The following PRDM16 variants were observed in gnomAD, a reference collection of about 807,000 sequenced individuals.
The protein encoded by PRDM16 is histone-lysine N-methyltransferase PRDM16.
In PRDM16, 23 loss-of-function variants were observed where a neutral mutation model predicts 110.6. That is an observed-to-expected ratio of 0.21 (90% CI 0.15 to 0.29). PRDM16 has a LOEUF of 0.29. Among genes scored for constraint, PRDM16 ranks in the 10% least tolerant of loss-of-function variants. The probability of loss-of-function intolerance (pLI) is 1.00; values close to 1 mark genes in which losing one functional copy is unlikely to be tolerated. For missense variants in PRDM16, 1,615 were observed against 1,794.3 expected, an observed-to-expected ratio of 0.90 and a Z score of 1.81; for synonymous variants, 799 against 781.8, an observed-to-expected ratio of 1.02 and a Z score of -0.37.
rs141156115 is a variant in PRDM16, at chr1:3,398,911, AG to A, written c.676+2320del. Among the ~76,000 whole-genome samples the A allele has an allele frequency of 8.7e-3, 1,330 of 152,346 alleles. 15 individuals carry two copies. The highest frequency in any genetic ancestry group is 0.031 in the African/African-American group (1,275 of 41,584). On this transcript the variant is annotated intron_variant, in intron 5 of 16. Transcript: ENST00000270722. ...CACGTTCAGGTAGTGAAGAAGACAC[AG>A]GAGACCCTTGGGGGCCAGCCCGCTT...
chr1:3,180,921 TACACACGCAGCC>T lies in PRDM16; in HGVS notation c.38-5191_38-5180del, dbSNP rs549873207. ...ACACACGCAGTCTTACACGCAGCCT[TACACACGCAGCC>T]ACACACGCAGCCTTACACACGCAGT... On this transcript the variant is annotated intron_variant, in intron 1 of 16. Transcript: ENST00000270722. Among the ~76,000 whole-genome samples, 408 of 146,940 alleles carry T rather than the reference TACACACGCAGCC, an allele frequency of 2.8e-3. 4 individuals are homozygous for T. The highest frequency in any genetic ancestry group is 8.3e-3 in the African/African-American group (325 of 39,256).
At chr1:3,311,283 C>T (rs1378756057) in intron 3 of PRDM16, among the ~76,000 whole-genome samples, 5 of 152,228 alleles carry the variant, frequency 3.3e-5, no homozygotes, top group African/African-American at 1.2e-4. Context: ...GGCCTCGGCT[C>T]ACTCTTTTGC....
chr1:3,072,521 C>T (rs1157912469), intron 1 of PRDM16, among the ~76,000 whole-genome samples: 4 of 152,176 alleles, frequency 2.6e-5, no homozygotes, highest in East Asian at 1.9e-4. Context: ...GTGTCTTGCT[C>T]GTGTTTGAGG....
rs922974593 is a variant in PRDM16 at position 3,190,430 on chromosome 1, C to T, written c.387+3956C>T. Among the ~76,000 whole-genome samples the T allele has an allele frequency of 5.9e-5, 9 of 152,278 alleles. No homozygotes were observed. The highest frequency in any genetic ancestry group is 1.7e-4 in the African/African-American group (7 of 41,562). On this transcript the variant is annotated intron_variant, in intron 2 of 16. Transcript: ENST00000270722. The surrounding 1 kb of genome is among the most constrained non-coding windows in gnomAD (Gnocchi z 5.0). ...CTGAGGCTGACGCTTTTGGGAGGGCCGCCCCCTCCTCTCTCCCTCCTGTGT... is the reference window on the plus strand; with the variant it reads ...CTGAGGCTGACGCTTTTGGGAGGGCTGCCCCCTCCTCTCTCCCTCCTGTGT...
chr1:3,231,380 C>T (rs1185265921), intron 2 of PRDM16, among the ~76,000 whole-genome samples: 8 of 152,102 alleles, frequency 5.3e-5, no homozygotes, highest in Non-Finnish European at 7.4e-5. Context: ...TCTTCCCCGT[C>T]GTCATGGACA....
chr1:3,354,459 CAAAAAAAAA>C (rs59791059), intron 3 of PRDM16, among the ~76,000 whole-genome samples: 1 of 113,272 alleles, frequency 8.8e-6, no homozygotes, highest in African/African-American at 3.2e-5. Context: ...GACTCTGCCT[CAAAAAAAAA>C]AAAAAAAAAA....
chr1:3,176,312 A>G (rs1434184843), intron 1 of PRDM16, among the ~76,000 whole-genome samples: 2 of 151,768 alleles, frequency 1.3e-5, no homozygotes, highest in Admixed American at 6.6e-5. Flanking sequence ...CCATACATCC[A>G]TCTATTCTTC....
chr1:3,151,781 A>C (rs951554677), intron 1 of PRDM16, among the ~76,000 whole-genome samples: 1 of 152,194 alleles, frequency 6.6e-6, no homozygotes, highest in Non-Finnish European at 1.5e-5. Flanking sequence ...CGGAGAAGAG[A>C]GCCCAACTGT....
chr1:3,343,500 CA>C (rs1282722966), intron 3 of PRDM16, among the ~76,000 whole-genome samples: 11 of 138,194 alleles, frequency 8.0e-5, no homozygotes, highest in Non-Finnish European at 6.3e-5. Context: ...GTGCTTTGTT[CA>C]GACTTTTTTT....
At chr1:3,182,672 T>C (rs774687211) in intron 1 of PRDM16, among the ~76,000 whole-genome samples, 1 of 152,120 alleles carries the variant, frequency 6.6e-6, no homozygotes, top group Non-Finnish European at 1.5e-5. Context: ...GCCAGCTCGG[T>C]CTCTGTCCCA....
chr1:3,230,526 T>C (rs570778668), intron 2 of PRDM16, among the ~76,000 whole-genome samples: 2 of 152,370 alleles, frequency 1.3e-5, no homozygotes, highest in East Asian at 1.9e-4. Context: ...GGGATCTCCC[T>C]TGTGGCAAGT....
chr1:3,344,476 T>C (rs1642326605), intron 3 of PRDM16, among the ~76,000 whole-genome samples: 1 of 152,262 alleles, frequency 6.6e-6, no homozygotes, highest in Non-Finnish European at 1.5e-5. Flanking sequence ...TTGGACATAT[T>C]TATAAGGTAT....
rs886092254 is a variant in PRDM16 at position 3,280,250 on chromosome 1, G to A, written c.438+36113G>A. Reference sequence around the variant, plus strand: ...TCTGTGTGTTCGTGTGTTGGTGTGTGCATGTGACGTGTGCACATGAATGTG... The same window carrying A: ...TCTGTGTGTTCGTGTGTTGGTGTGTACATGTGACGTGTGCACATGAATGTG... On this transcript the variant is annotated intron_variant, in intron 3 of 16. Transcript: ENST00000270722. Among the ~76,000 whole-genome samples, 7 of 152,226 alleles carry A rather than the reference G, an allele frequency of 4.6e-5. No individual in the cohort carries two copies. In the East Asian group the frequency reaches 1.3e-3, roughly 29 times the overall value.
chr1:3,181,591 T>TCTTACAC (rs1644192170), intron 1 of PRDM16, among the ~76,000 whole-genome samples: 1 of 50,578 alleles, frequency 2.0e-5, no homozygotes, highest in African/African-American at 9.0e-5. Flanking sequence ...GTCTTACATA[T>TCTTACAC]GGTCTTACAC....
rs182633136 is a variant in PRDM16, at chr1:3,081,613, G to T, written c.37+12317G>T. Among the ~76,000 whole-genome samples, 1 of 152,152 alleles carries T rather than the reference G, an allele frequency of 6.6e-6. No individual in the cohort carries two copies. The highest frequency in any genetic ancestry group is 1.5e-5 in the Non-Finnish European group (1 of 68,024). On this transcript the variant is annotated intron_variant, in intron 1 of 16. Transcript: ENST00000270722. The surrounding 1 kb of genome is among the most constrained non-coding windows in gnomAD (Gnocchi z 4.6). ...GGGTTGGTCTTCCTTCTGTGAGCACGGGGGGTGAGCAGTGGGCAGCTCCAG... is the reference window on the plus strand; with the variant it reads ...GGGTTGGTCTTCCTTCTGTGAGCACTGGGGGTGAGCAGTGGGCAGCTCCAG...
In PRDM16 at chr1:3,360,962, G is replaced by A. The variant is rs1421347531; in HGVS notation, c.439-24190G>A. On this transcript the variant is annotated intron_variant, in intron 3 of 16. Coordinates refer to ENST00000270722, the MANE Select transcript of PRDM16 (RefSeq NM_022114.4). ...GGCGGGAACGAGGCAGGTGGCTGGC[G>A]GCCGGAGTCTATGCACTCTCGTTTT... Among the ~76,000 whole-genome samples, 4 of 152,240 alleles carry A rather than the reference G, an allele frequency of 2.6e-5. No individual in the cohort carries two copies. The South Asian group carries it at 6.2e-4, about 24-fold the overall frequency.
intron 1 of PRDM16, among the ~76,000 whole-genome samples, chr1:3,129,697 G>T (rs372705995): frequency 2.0e-5 from 3 of 152,058 alleles, no homozygotes; most frequent in East Asian, 1.9e-4. Flanking sequence ...TAGGGGCAAG[G>T]TCCTCCTCTA....
chr1:3,071,108 C>T (rs1182058562), intron 1 of PRDM16, among the ~76,000 whole-genome samples: 2 of 152,272 alleles, frequency 1.3e-5, no homozygotes, highest in Non-Finnish European at 2.9e-5. Context: ...GTGTGGGCCG[C>T]CAGGTCAGGC....
intron 1 of PRDM16, among the ~76,000 whole-genome samples, chr1:3,070,112 C>T (rs1034711480): frequency 4.6e-5 from 7 of 152,148 alleles, no homozygotes; most frequent in Non-Finnish European, 8.8e-5. Flanking sequence ...GCCGCTGCCG[C>T]CCTCGGGCCC....
Sources: gnomAD v4.1 joint callset for allele counts (sites outside exome capture counted in the v4.1 genomes callset) on GRCh38, gnomAD v4.1.1 for gene constraint, Gnocchi (gnomAD v3.1) non-coding constraint, MANE v1.5 for transcripts, NCBI Gene and HGNC (gene_info 2026-07-23, HGNC 2026-07-21) for gene names.